CNKSR2: variants seen among roughly 807,000 people sequenced by gnomAD.
CNKSR2 encodes connector enhancer of kinase suppressor of Ras 2.
A neutral mutation model predicts 84.4 loss-of-function variants in CNKSR2; 14 were observed. That is an observed-to-expected ratio of 0.17 (90% CI 0.11 to 0.26). The LOEUF is 0.26. CNKSR2 is among the 10% of genes least tolerant of loss of function. CNKSR2 has a pLI of 1.00. For missense variants in CNKSR2, 485 were observed against 771.2 expected (o/e 0.63, Z 4.40); for synonymous variants, 275 against 277.9 (o/e 0.99, Z 0.10).
intron 20 of CNKSR2, among the ~76,000 whole-genome samples, chrX:21,647,821 A>G (rs2092710245): frequency 9.0e-6 from 1 of 111,459 alleles, no homozygotes; most frequent in Non-Finnish European, 1.9e-5. Context: ...AACATTCCAT[A>G]TTTACTCTTT....
chrX:21,404,789 C>CAAAAAAAAA (rs59192713), intron 1 of CNKSR2, among the ~76,000 whole-genome samples: 1 of 30,084 alleles, frequency 3.3e-5, no homozygotes, highest in Admixed American at 4.5e-4. Context: ...AACTCTGTCT[C>CAAAAAAAAA]AAAAAAAAAA....
At position 21,521,199 on chromosome X, in the gene CNKSR2, G is replaced by GT. The variant is rs1368470847; in HGVS notation, c.957+4572dup. Among the ~76,000 whole-genome samples the GT allele has an allele frequency of 3.6e-5, 4 of 110,618 alleles. No homozygotes were observed. The East Asian group carries it at 1.1e-3, about 31-fold the overall frequency. ...CAAAAAAATTTATCTGTTTCTGAGA[G>GT]TTTTGTTTTAAGGAGAGCAAGAACT... On this transcript the variant is annotated intron_variant, in intron 9 of 21. Coordinates refer to ENST00000379510, the MANE Select transcript of CNKSR2 (RefSeq NM_014927.5).
At chrX:21,528,581 A>G in intron 10 of CNKSR2, among the ~76,000 whole-genome samples, 1 of 111,042 alleles carries the variant, frequency 9.0e-6, no homozygotes, top group East Asian at 2.8e-4. Flanking sequence ...ACATATTATA[A>G]AGGCTATATA....
chrX:21,531,963 G>T lies in CNKSR2; in HGVS notation c.1199G>T (p.Arg400Leu). The part of the protein sequence containing the change: ...SPNSFLDQEY[R>L]KRFNIVEEDT... ...AATTCATTTCTGGATCAGGAATATC[G>T]AAAGAGATTTAATATTGTCGAAGAA... Residue 400 changes from arginine (R) to leucine (L), a missense_variant, in exon 11 of 22, where the codon CGA becomes CTA. Arg to Leu is a moderately radical substitution (Grantham distance 102). Transcript: ENST00000379510. 2 of 1,198,954 alleles carry T rather than the reference G, an allele frequency of 1.7e-6. No individual in the cohort carries two copies. Among genetic ancestry groups the T allele is most frequent in the Non-Finnish European group, 2.3e-6 (2 of 884,678 alleles).
chrX:21,467,807 G>C (rs896556778), intron 4 of CNKSR2, among the ~76,000 whole-genome samples: 10 of 110,419 alleles, frequency 9.1e-5, no homozygotes, highest in African/African-American at 3.3e-4. Flanking sequence ...AAATAGTTGA[G>C]TGTGCACCAA....
chrX:21,556,867 A>G (rs2092144547), intron 11 of CNKSR2, among the ~76,000 whole-genome samples: 1 of 110,385 alleles, frequency 9.1e-6, no homozygotes, highest in Non-Finnish European at 1.9e-5. Flanking sequence ...TTTTTAAAAA[A>G]CGATTGGAGA....
chrX:21,376,659 A>G (rs2089821200), intron 1 of CNKSR2, among the ~76,000 whole-genome samples: 1 of 112,464 alleles, frequency 8.9e-6, no homozygotes, highest in African/African-American at 3.2e-5. Context: ...ATATACAGGA[A>G]GCAACAATGC....
intron 1 of CNKSR2, among the ~76,000 whole-genome samples, chrX:21,413,503 C>G (rs2090373730): frequency 9.1e-6 from 1 of 110,436 alleles, no homozygotes; most frequent in Non-Finnish European, 1.9e-5. Flanking sequence ...AAATTATTCA[C>G]TATAGTCAGT....
chrX:21,404,659 C>T (rs1015815939), intron 1 of CNKSR2, among the ~76,000 whole-genome samples: 1 of 107,302 alleles, frequency 9.3e-6, no homozygotes, highest in Non-Finnish European at 1.9e-5. Context: ...CATGGTGATG[C>T]GTGTCTGTAA....
intron 5 of CNKSR2, among the ~76,000 whole-genome samples, chrX:21,486,592 A>T (rs1656358766): frequency 1.8e-5 from 2 of 111,882 alleles, no homozygotes; most frequent in South Asian, 7.4e-4. Flanking sequence ...TGTTATTAGG[A>T]TAAACGAGAT....
intron 3 of CNKSR2, among the ~76,000 whole-genome samples, chrX:21,439,221 A>G (rs1237710791): frequency 9.0e-6 from 1 of 111,236 alleles, no homozygotes. Flanking sequence ...TTGAAATCAG[A>G]TAATAAAATG....
chrX:21,554,030 T>C (rs989783645), intron 11 of CNKSR2, among the ~76,000 whole-genome samples: 4 of 111,562 alleles, frequency 3.6e-5, no homozygotes. Flanking sequence ...CCCTCTAATG[T>C]AGAGAAATTG....
intron 13 of CNKSR2, among the ~76,000 whole-genome samples, chrX:21,582,283 T>C (rs887637263): frequency 8.9e-6 from 1 of 111,983 alleles, no homozygotes; most frequent in African/African-American, 3.2e-5. Flanking sequence ...ATTGATGAGA[T>C]GTTATTGGTT....
At position 21,528,865 on chromosome X, in the gene CNKSR2, C is replaced by G. The variant is rs144443878; in HGVS notation, c.1091+1865C>G. Among the ~76,000 whole-genome samples the G allele has an allele frequency of 6.2e-4, 69 of 111,151 alleles. 1 individual carries two copies. The East Asian group carries it at 0.017, about 28-fold the overall frequency. Reference sequence around the variant, plus strand: ...AGTCAGGACAATCCATGCATCAAAGCCCCTTTGAACCACAGCCTTATATAA... The same window carrying G: ...AGTCAGGACAATCCATGCATCAAAGGCCCTTTGAACCACAGCCTTATATAA... On this transcript the variant is annotated intron_variant, in intron 10 of 21. Transcript: ENST00000379510.
At chrX:21,482,407 G>A (rs1013669601) in intron 5 of CNKSR2, among the ~76,000 whole-genome samples, 6 of 111,304 alleles carry the variant, frequency 5.4e-5, no homozygotes, top group Non-Finnish European at 7.5e-5. Context: ...ATGGATCCCC[G>A]AGTGTCATTC....
chrX:21,607,579 G>A (rs891946785), intron 19 of CNKSR2, among the ~76,000 whole-genome samples: 4 of 111,335 alleles, frequency 3.6e-5, no homozygotes, highest in East Asian at 2.8e-4. Flanking sequence ...CAAGGCGGGC[G>A]GATCACTTGA....
chrX:21,621,308 A>G (rs2092600560), intron 20 of CNKSR2, among the ~76,000 whole-genome samples: 1 of 111,791 alleles, frequency 8.9e-6, no homozygotes, highest in South Asian at 3.7e-4. Context: ...AATGTTATCA[A>G]GTGATAAGCA....
intron 7 of CNKSR2, among the ~76,000 whole-genome samples, chrX:21,500,399 T>C (rs747806119): frequency 9.0e-6 from 1 of 111,393 alleles, no homozygotes; most frequent in East Asian, 2.8e-4. Context: ...GTCTCAAAAG[T>C]AGCATTGTAC....
At chrX:21,591,839 T>C (rs2092422796) in intron 15 of CNKSR2, 1 of 111,616 alleles carries the variant, frequency 9.0e-6, no homozygotes, top group Admixed American at 9.5e-5. Flanking sequence ...CAAAAACATT[T>C]GTTGATATTC....
Sources: allele counts gnomAD v4.1 joint callset (sites outside exome capture counted in the v4.1 genomes callset), GRCh38; gene constraint gnomAD v4.1.1; transcripts MANE v1.5; gene names NCBI Gene and HGNC (gene_info 2026-07-23, HGNC 2026-07-21).